Variants in KANK3 observed in about 807,000 individuals in gnomAD.
KANK3 encodes KN motif and ankyrin repeat domain-containing protein 3.
In KANK3, 61 loss-of-function variants were observed where a neutral mutation model predicts 65.4. That is an observed-to-expected ratio of 0.93 (90% CI 0.76 to 1.15). The LOEUF (loss-of-function observed/expected upper bound fraction) is 1.15. KANK3 is among the 50% of genes most tolerant of loss of function. KANK3 has a pLI of 0.00. For synonymous variants in KANK3, 586 were observed against 543.3 expected (o/e 1.08, Z -1.09); for missense variants, 1,187 against 1,178.8 (o/e 1.01, Z -0.10).
At chr19:8,332,545 G>A (rs982355664) in intron 7 of KANK3, among the ~76,000 whole-genome samples, 4 of 151,748 alleles carry the variant, frequency 2.6e-5, no homozygotes, top group Admixed American at 6.6e-5. Flanking sequence ...TTGGCTGGGC[G>A]CAGTGGCTCA....
chr19:8,330,793 A>G (rs1321658808), intron 7 of KANK3, among the ~76,000 whole-genome samples: 1 of 151,816 alleles, frequency 6.6e-6, no homozygotes, highest in African/African-American at 2.4e-5. Context: ...AATCCCAGCT[A>G]CTCAGGAGGC....
intron 4 of KANK3, 42 bp downstream of exon 4, chr19:8,334,265 CCAACCCCAGTCTA>C: frequency 6.2e-7 from 1 of 1,602,374 alleles, no homozygotes. Context: ...AGCTGGGGTT[CCAACCCCAGTCTA>C]TGTCCCGGCA....
chr19:8,324,635 C>A lies in KANK3; in HGVS notation c.2278G>T (p.Asp760Tyr), dbSNP rs866128544. 6.2e-7 allele frequency: 1 copy of A among 1,613,918 alleles called. No individual in the cohort carries two copies. The highest frequency in any genetic ancestry group is 1.1e-5 in the South Asian group (1 of 91,086). ...TQPGCDPAILDNEGTSALAIA... is the reference protein window; with the variant it reads ...TQPGCDPAILYNEGTSALAIA... ...GCCCCATTGTGGGGTCTTACATTGT[C>A]CAGGATGGCAGGGTCACAGCCTGGC... Residue 760 changes from aspartate to tyrosine, a missense_variant, in exon 9 of 11, where the codon GAC becomes TAC. Physicochemically the swap from Asp to Tyr is radical, Grantham distance 160 (BLOSUM62 -3). Coordinates refer to ENST00000330915, the MANE Select transcript of KANK3 (RefSeq NM_198471.3).
In KANK3 at chr19:8,335,190, G is replaced by A; in HGVS notation, c.637C>T (p.Gln213Ter). 1 of 1,215,568 alleles carries A rather than the reference G, an allele frequency of 8.2e-7. No individual in the cohort carries two copies. Among genetic ancestry groups the A allele is most frequent in the Non-Finnish European group, 1.0e-6 (1 of 978,056 alleles). The allele number at this position is 1,215,568 out of a possible 1,614,324, so 75.3% of individuals were successfully genotyped here. A position where few individuals can be genotyped will look rare whatever the true frequency, so the allele number is the denominator to read the frequency against. Residue 213 changes from glutamine (Q) to a stop codon, truncating the protein, a stop_gained, in exon 3 of 11, where the codon CAG (glutamine) becomes TAG (stop). Transcript: ENST00000330915. LOFTEE classifies it high-confidence loss of function. ...QARTLPELQE[Q>*]VRALRAEKAR... is the part of the protein sequence containing the mutation. Reference sequence around the variant, plus strand: ...TTCTCGGCGCGCAGCGCGCGCACCTGCTCCTGCAGCTCGGGCAGCGTTCGC... The same window carrying A: ...TTCTCGGCGCGCAGCGCGCGCACCTACTCCTGCAGCTCGGGCAGCGTTCGC...
intron 1 of KANK3, among the ~76,000 whole-genome samples, chr19:8,342,641 A>C (rs2972584): frequency 0.14 from 19,280 of 142,572 alleles, 1,736 homozygotes; most frequent in Non-Finnish European, 0.21. Context: ...GAGTACTGGC[A>C]GCCCCTGATG....
At chr19:8,330,291 G>A (rs1460487656) in intron 7 of KANK3, among the ~76,000 whole-genome samples, 1 of 152,142 alleles carries the variant, frequency 6.6e-6, no homozygotes, top group East Asian at 1.9e-4. Context: ...GTCTGGAGAG[G>A]TGGAGCCAAA....
In KANK3 at chr19:8,323,181, C is replaced by G. The variant is rs1599637614; in HGVS notation, c.2383-259G>C. 1.9e-5 allele frequency: 6 copies of G among 313,572 alleles called. No individual in the cohort carries two copies. In the East Asian group the frequency reaches 3.1e-4, roughly 16 times the overall value. 19.4% of individuals were successfully genotyped at this position (313,572 alleles called of 1,614,324 possible). On this transcript the variant is annotated intron_variant, in intron 10 of 10. Coordinates refer to ENST00000330915, the MANE Select transcript of KANK3 (RefSeq NM_198471.3). ...AGTACATCATAGGTTGAAAGTATTGCAAGTTGAAATGTGTTTAATACACCT... is the reference window on the plus strand; with the variant it reads ...AGTACATCATAGGTTGAAAGTATTGGAAGTTGAAATGTGTTTAATACACCT...
chr19:8,337,673 C>G lies in KANK3; in HGVS notation c.34+122G>C. The G allele has an allele frequency of 3.3e-6, 4 of 1,203,418 alleles. No homozygotes were observed. In the East Asian group the frequency reaches 9.4e-5, roughly 28 times the overall value. 74.5% of individuals were successfully genotyped at this position (1,203,418 alleles called of 1,614,324 possible). A position where few individuals can be genotyped will look rare whatever the true frequency, so the allele number is the denominator to read the frequency against. The stretch of plus-strand genomic sequence containing the variant: ...GATTGATGCCATAGGTGGTTTAAAG[C>G]AGGCTCATGACATTGGAGAGGACTG... On this transcript the variant is annotated intron_variant, in intron 2 of 10. Transcript: ENST00000330915.
intron 9 of KANK3, 27 bp downstream of exon 9, chr19:8,324,603 G>A: frequency 1.2e-6 from 2 of 1,612,860 alleles, no homozygotes; most frequent in Non-Finnish European, 1.7e-6. Context: ...CACCCCCCAA[G>A]ATGCCAGCCC....
rs1219853298 is a variant in KANK3 at position 8,333,148 on chromosome 19, A to G, written c.1802T>C (p.Leu601Pro). Residue 601 changes from leucine (L) to proline (P), a missense_variant, in exon 7 of 11, where the codon CTG becomes CCG. Physicochemically the swap from Leu to Pro is moderately conservative, Grantham distance 98. Coordinates refer to ENST00000330915, the MANE Select transcript of KANK3 (RefSeq NM_198471.3). This position sits in a 1 kb window ranked among gnomAD's most constrained non-coding sequence, Gnocchi z 5.0. ...GGGTCCCAGGCGCCTCACCCCTTCC[A>G]GCATCCTGGCCACGGGCTCCGCCTG... is the stretch of plus-strand genomic sequence containing the variant. ...RSQAEPVARMLEGVRRLGPEL... is the reference protein window; with the variant it reads ...RSQAEPVARMPEGVRRLGPEL... 1 of 1,613,082 alleles carries G rather than the reference A, an allele frequency of 6.2e-7. No homozygotes were observed. The highest frequency in any genetic ancestry group is 2.2e-5 in the East Asian group (1 of 44,880).
In KANK3 at chr19:8,334,856, T is replaced by C; in HGVS notation, c.971A>G (p.Glu324Gly). Residue 324 changes from glutamate to glycine, a missense_variant, in exon 3 of 11, where the codon GAG becomes GGG. Around this residue, in one of 3 missense-constraint regions of KANK3, gnomAD observed 1,078 missense variants for 1,038.2 expected, o/e 1.04. Coordinates refer to ENST00000330915, the MANE Select transcript of KANK3 (RefSeq NM_198471.3). ...CTCGGGGGCAGCCTCCACGCCGGCC[T>C]CCCGGGTCTCCGGCACGGCCTGGGC... Reference protein sequence around the residue: ...AGAQAVPETREAGVEAAPETV... With the variant: ...AGAQAVPETRGAGVEAAPETV... 6.8e-7 allele frequency: 1 copy of C among 1,461,902 alleles called. No homozygotes were observed. Among genetic ancestry groups the C allele is most frequent in the Admixed American group, 2.6e-5 (1 of 38,212 alleles). The allele number at this position is 1,461,902 out of a possible 1,614,324, so 90.6% of individuals were successfully genotyped here. A position where few individuals can be genotyped will look rare whatever the true frequency, so the allele number is the denominator to read the frequency against.
At chr19:8,332,069 C>T (rs1326585243) in intron 7 of KANK3, among the ~76,000 whole-genome samples, 1 of 135,294 alleles carries the variant, frequency 7.4e-6, no homozygotes, top group Non-Finnish European at 1.5e-5. Flanking sequence ...TCTTGGCTTA[C>T]TGCAACCTCT....
At chr19:8,327,481 A>T (rs1731217272) in intron 7 of KANK3, among the ~76,000 whole-genome samples, 1 of 152,258 alleles carries the variant, frequency 6.6e-6, no homozygotes, top group Middle Eastern at 3.4e-3. Flanking sequence ...AATACAAAAA[A>T]TTAGCCAGGC....
intron 7 of KANK3, among the ~76,000 whole-genome samples, chr19:8,332,009 T>C (rs551214482): frequency 9.4e-6 from 1 of 106,774 alleles, no homozygotes; most frequent in Non-Finnish European, 1.9e-5. Flanking sequence ...TTTTTTTTTT[T>C]GAGATGGAGT....
rs1424925714 is a variant in KANK3, at chr19:8,333,856, G to A, written c.1635-48C>T. On this transcript the variant is annotated intron_variant, in intron 5 of 10. Transcript: ENST00000330915. This position sits in a 1 kb window ranked among gnomAD's most constrained non-coding sequence, Gnocchi z 5.0. ...CTCAGGATGGATCGGGGACAGCGCC[G>A]ACCAGGAGGAGGGCAGCCGCCTCCT... The A allele has an allele frequency of 5.2e-6, 8 of 1,548,528 alleles. No individual in the cohort carries two copies. The African/African-American group carries it at 8.2e-5, about 16-fold the overall frequency.
chr19:8,322,881 T>C lies in KANK3; in HGVS notation c.2424A>G (p.Glu808=). The C allele has an allele frequency of 6.3e-7, 1 of 1,580,618 alleles. No individual in the cohort carries two copies. The highest frequency in any genetic ancestry group is 8.6e-7 in the Non-Finnish European group (1 of 1,163,226). Residue 808 remains glutamate (E), a synonymous_variant, in exon 11 of 11, where the codon GAA becomes GAG. Transcript: ENST00000330915. The stretch of plus-strand genomic sequence containing the variant: ...TCTCTCCATTGTCACCGCATTCTCC[T>C]TCACCAGGTGTGGCTGTCTGGGAGC... ...PPGSQTATPG[E]GECGDNGENP...
At chr19:8,337,904 G>A in intron 1 of KANK3, 48 bp from the exon 2 acceptor site, 1 of 1,604,616 alleles carries the variant, frequency 6.2e-7, no homozygotes, top group Non-Finnish European at 8.5e-7. Flanking sequence ...TCTGGCTGGA[G>A]CCTCTGGGGC....
intron 7 of KANK3, among the ~76,000 whole-genome samples, chr19:8,328,891 C>T (rs930434759): frequency 8.5e-5 from 13 of 152,068 alleles, no homozygotes; most frequent in South Asian, 4.2e-4. Context: ...ACAAGTGGGC[C>T]GAGCGCGGTG....
chr19:8,326,074 A>C (rs1363458072), intron 7 of KANK3, among the ~76,000 whole-genome samples: 1 of 152,060 alleles, frequency 6.6e-6, no homozygotes, highest in Non-Finnish European at 1.5e-5. Context: ...CGCTTGCCTC[A>C]GCTTCCCAAA....
Sources: gnomAD v4.1 joint callset for allele counts (sites outside exome capture counted in the v4.1 genomes callset) on GRCh38, gnomAD v4.1.1 for gene constraint, gnomAD v4.1.1 regional missense constraint, Gnocchi (gnomAD v3.1) non-coding constraint, MANE v1.5 for transcripts, NCBI Gene and HGNC (gene_info 2026-07-23, HGNC 2026-07-21) for gene names.